Variants in NF2 observed in about 807,000 individuals in gnomAD.
NF2 encodes merlin.
NF2 carries 8 observed loss-of-function variants against 83.7 expected under a neutral mutation model. The observed-to-expected ratio is 0.10, with a 90% CI of 0.06 to 0.17. The LOEUF is 0.17. Among genes scored for constraint, NF2 ranks in the 10% least tolerant of loss-of-function variants. NF2 has a pLI of 1.00. For synonymous variants in NF2, 266 were observed against 269.6 expected, an observed-to-expected ratio of 0.99 and a Z score of 0.13; for missense variants, 533 against 744.4, an observed-to-expected ratio of 0.72 and a Z score of 3.31.
At chr22:29,662,442 T>C (rs1333065838) in intron 8 of NF2, among the ~76,000 whole-genome samples, 1 of 152,202 alleles carries the variant, frequency 6.6e-6, no homozygotes. Flanking sequence ...TTCATTAATT[T>C]TAAAGGAATT....
intron 1 of NF2, among the ~76,000 whole-genome samples, chr22:29,625,178 C>T (rs946414776): frequency 1.3e-5 from 2 of 152,098 alleles, no homozygotes; most frequent in East Asian, 1.9e-4. Flanking sequence ...CCACGCTCCT[C>T]GGCCTCCCAA....
At chr22:29,656,188 C>T (rs1334437726) in intron 6 of NF2, among the ~76,000 whole-genome samples, 2 of 152,026 alleles carry the variant, frequency 1.3e-5, no homozygotes, top group Non-Finnish European at 2.9e-5. Flanking sequence ...AATCTGCCCA[C>T]CTCGGCCTCC....
At chr22:29,664,966 CTG>C (rs758699109) in intron 8 of NF2, 22 bp from the exon 9 acceptor site, 3 of 1,567,140 alleles carry the variant, frequency 1.9e-6, no homozygotes, top group South Asian at 1.1e-5. Context: ...CGGACTGAAA[CTG>C]TGTTCTGCTT....
intron 4 of NF2, among the ~76,000 whole-genome samples, chr22:29,644,803 T>A (rs9808872): frequency 1.9e-4 from 29 of 152,010 alleles, no homozygotes; most frequent in Admixed American, 5.9e-4. Context: ...CGCCTGCAAT[T>A]GCAGGCACTC....
chr22:29,666,286 G>A (rs908197839), intron 9 of NF2, among the ~76,000 whole-genome samples: 4 of 151,854 alleles, frequency 2.6e-5, no homozygotes, highest in Non-Finnish European at 4.4e-5. Context: ...GATTACAGGC[G>A]GCCACTACCA....
chr22:29,648,634 T>C (rs1301778742), intron 4 of NF2, among the ~76,000 whole-genome samples: 1 of 152,238 alleles, frequency 6.6e-6, no homozygotes, highest in Non-Finnish European at 1.5e-5. Context: ...CTTCATTTTC[T>C]TTTTCTTTTT....
At chr22:29,668,498 C>T (rs2066693141) in intron 10 of NF2, 52 bp downstream of exon 10, 6 of 1,430,266 alleles carry the variant, frequency 4.2e-6, no homozygotes, top group Non-Finnish European at 5.9e-6. Context: ...TCAGTCCTGG[C>T]CTGGGAGGCG....
rs778460074 is a variant in NF2 at position 29,636,838 on chromosome 22, A to G, written c.202A>G (p.Ile68Val). The G allele has an allele frequency of 6.2e-7, 1 of 1,614,156 alleles. No individual in the cohort carries two copies. The highest frequency in any genetic ancestry group is 1.7e-5 in the Admixed American group (1 of 60,018). ...ETWFFGLQYT[I>V]KDTVAWLKMD... ...CTGGTTCTTTGGACTGCAGTACACA[A>G]TCAAGGACACAGTGGCCTGGCTCAA... The change falls in exon 2 of 16, where the codon ATC (isoleucine) becomes GTC (valine). Residue 68 changes from isoleucine to valine, a missense_variant. By Grantham distance (29) the Ile-to-Val change is conservative. Around this residue, in one of 3 missense-constraint regions of NF2, gnomAD observed 326 missense variants for 475.1 expected, o/e 0.69. Transcript: ENST00000338641. The surrounding 1 kb of genome is among the most constrained non-coding windows in gnomAD (Gnocchi z 4.4).
At chr22:29,633,574 G>A (rs922692990) in intron 1 of NF2, among the ~76,000 whole-genome samples, 5 of 152,134 alleles carry the variant, frequency 3.3e-5, no homozygotes, top group African/African-American at 1.2e-4. Flanking sequence ...CATCCAGATT[G>A]CAGATTGGAG....
At chr22:29,606,181 C>G (rs940118909) in intron 1 of NF2, among the ~76,000 whole-genome samples, 2 of 152,086 alleles carry the variant, frequency 1.3e-5, no homozygotes, top group African/African-American at 4.8e-5. Context: ...CTTGAACTCC[C>G]TACCTCAGGT....
intron 1 of NF2, among the ~76,000 whole-genome samples, chr22:29,613,904 G>A (rs531134738): frequency 3.5e-4 from 53 of 151,300 alleles, no homozygotes; most frequent in South Asian, 1.3e-3. Context: ...GACTACAGGC[G>A]CCTGTCACAA....
intron 5 of NF2, 129 bp downstream of exon 5, chr22:29,654,854 C>T: frequency 1.3e-6 from 1 of 765,806 alleles, no homozygotes; most frequent in South Asian, 1.5e-5. Context: ...TTGTAATCTC[C>T]AGTAAACAGT....
chr22:29,644,909 T>G (rs2065941699), intron 4 of NF2, among the ~76,000 whole-genome samples: 2 of 149,394 alleles, frequency 1.3e-5, no homozygotes, highest in African/African-American at 2.5e-5. Flanking sequence ...AGGGAGACCG[T>G]GGAAAGAGAG....
intron 12 of NF2, among the ~76,000 whole-genome samples, chr22:29,674,627 T>C (rs2066905660): frequency 6.6e-6 from 1 of 152,190 alleles, no homozygotes; most frequent in African/African-American, 2.4e-5. Context: ...CAGTTTAGAT[T>C]TACCAACTCA....
chr22:29,673,180 C>G (rs769259957), intron 11 of NF2, 89 bp from the exon 12 acceptor site: 67 of 1,397,896 alleles, frequency 4.8e-5, no homozygotes, highest in Non-Finnish European at 5.8e-5. Flanking sequence ...GTCCGAGACT[C>G]TGGTTTGTCC....
chr22:29,665,237 T>G (rs1601630977), intron 9 of NF2, among the ~76,000 whole-genome samples, 173 bp downstream of exon 9: 2 of 22,126 alleles, frequency 9.0e-5, no homozygotes, highest in Non-Finnish European at 1.5e-4. Flanking sequence ...CATGAAGAAG[T>G]TTTTTTTTTT....
intron 6 of NF2, among the ~76,000 whole-genome samples, chr22:29,657,915 C>T (rs1190181581): frequency 6.6e-6 from 1 of 152,112 alleles, no homozygotes; most frequent in Non-Finnish European, 1.5e-5. Context: ...TTACTGTTTA[C>T]CAAGGGCAAG....
At chr22:29,676,400 T>G (rs1601655445) in intron 13 of NF2, among the ~76,000 whole-genome samples, 1 of 152,166 alleles carries the variant, frequency 6.6e-6, no homozygotes, top group East Asian at 1.9e-4. Flanking sequence ...GGTCTCAAAC[T>G]CCCGAGCTCA....
At chr22:29,644,483 G>A (rs1172878165) in intron 4 of NF2, among the ~76,000 whole-genome samples, 3 of 151,816 alleles carry the variant, frequency 2.0e-5, no homozygotes, top group Admixed American at 2.0e-4. Context: ...ACGATGGGCG[G>A]CCAGGCAGAG....
Sources: gnomAD v4.1 joint callset for allele counts (sites outside exome capture counted in the v4.1 genomes callset) on GRCh38, gnomAD v4.1.1 for gene constraint, gnomAD v4.1.1 regional missense constraint, Gnocchi (gnomAD v3.1) non-coding constraint, MANE v1.5 for transcripts, NCBI Gene and HGNC (gene_info 2026-07-23, HGNC 2026-07-21) for gene names.